Variants in PCSK5 observed in about 807,000 individuals in gnomAD.
PCSK5 encodes the protein prohormone convertase 5.
In PCSK5, 129 loss-of-function variants were observed where a neutral mutation model predicts 233.2. That is an observed-to-expected ratio of 0.55 (90% CI 0.48 to 0.64). The LOEUF is 0.64. PCSK5 is among the 30% of genes least tolerant of loss of function. The pLI is 0.00. For synonymous variants in PCSK5, 825 were observed against 879.2 expected, an observed-to-expected ratio of 0.94 and a Z score of 1.09; for missense variants, 2,076 against 2,430.1, an observed-to-expected ratio of 0.85 and a Z score of 3.06.
chr9:76,010,888 G>A (rs1039343765), intron 3 of PCSK5, among the ~76,000 whole-genome samples: 1 of 152,192 alleles, frequency 6.6e-6, no homozygotes, highest in Non-Finnish European at 1.5e-5. Flanking sequence ...TGGAAAAAAT[G>A]TGGTTTAGGT....
intron 1 of PCSK5, among the ~76,000 whole-genome samples, chr9:75,895,204 G>A (rs536078927): frequency 4.6e-5 from 7 of 152,172 alleles, no homozygotes; most frequent in Non-Finnish European, 8.8e-5. Context: ...GGCCACTTTC[G>A]AGGCTGTGAA....
rs1829101767 is a variant in PCSK5 at position 76,318,596 on chromosome 9, T to A, written c.3885-2826T>A. Among the ~76,000 whole-genome samples the A allele has an allele frequency of 2.6e-5, 4 of 152,330 alleles. No homozygotes were observed. In the South Asian group the frequency reaches 8.3e-4, roughly 32 times the overall value. On this transcript the variant is annotated intron_variant, in intron 30 of 37. Transcript: ENST00000674117. ...CCAGTGAGTGATTTCTACAATGGGATAGTTTAATCACTGGGGTTCTATATA... is the reference window on the plus strand; with the variant it reads ...CCAGTGAGTGATTTCTACAATGGGAAAGTTTAATCACTGGGGTTCTATATA...
chr9:75,969,446 A>G (rs1825727951), intron 2 of PCSK5, among the ~76,000 whole-genome samples: 1 of 152,056 alleles, frequency 6.6e-6, no homozygotes, highest in African/African-American at 2.4e-5. Flanking sequence ...ACTTCCCTGG[A>G]CCCCTGGAGT....
At chr9:75,977,628 T>G (rs1826081718) in intron 2 of PCSK5, among the ~76,000 whole-genome samples, 1 of 150,628 alleles carries the variant, frequency 6.6e-6, no homozygotes, top group African/African-American at 2.4e-5. Flanking sequence ...CTTTTTTTTT[T>G]AAGACAGAGT....
chr9:76,267,171 A>C (rs1827358655), intron 24 of PCSK5, among the ~76,000 whole-genome samples: 1 of 152,148 alleles, frequency 6.6e-6, no homozygotes, highest in African/African-American at 2.4e-5. Flanking sequence ...CAGCCTTCTA[A>C]AATGGAGCTC....
chr9:76,067,897 G>A (rs1031635802), intron 5 of PCSK5, 58 bp from the exon 6 acceptor site: 21 of 1,369,404 alleles, frequency 1.5e-5, no homozygotes, highest in Admixed American at 3.4e-5. Flanking sequence ...GCAGTGACGC[G>A]TTGGCTTTGT....
intron 21 of PCSK5, among the ~76,000 whole-genome samples, chr9:76,230,932 G>T (rs1008554585): frequency 2.6e-5 from 4 of 152,164 alleles, no homozygotes; most frequent in African/African-American, 9.6e-5. Context: ...TAATAGAAAT[G>T]AAGTGCACAA....
chr9:76,310,737 A>T lies in PCSK5; in HGVS notation c.3770A>T (p.Asn1257Ile). Residue 1257 changes from asparagine (N) to isoleucine (I), a missense_variant, in exon 30 of 38, where the codon AAC becomes ATC. Asn to Ile is a moderately radical substitution (Grantham distance 149, BLOSUM62 -3). Around this residue, in one of 6 missense-constraint regions of PCSK5, gnomAD observed 1,510 missense variants for 1,538.1 expected, o/e 0.98. Transcript: ENST00000674117. ...WPSVRSGSCENCTEACAICSG... is the reference protein window; with the variant it reads ...WPSVRSGSCEICTEACAICSG... ...TCCGTAAGGAGTGGGAGCTGCGAGA[A>T]CTGTACGGAGGCCTGTGCCATCTGC... 2 of 1,612,258 alleles carry T rather than the reference A, an allele frequency of 1.2e-6. No homozygotes were observed. The highest frequency in any genetic ancestry group is 1.7e-6 in the Non-Finnish European group (2 of 1,179,570).
intron 1 of PCSK5, among the ~76,000 whole-genome samples, chr9:75,902,462 G>T (rs1218017140): frequency 6.6e-6 from 1 of 152,042 alleles, no homozygotes; most frequent in African/African-American, 2.4e-5. Context: ...AAAAATGGAT[G>T]GCCAGCTTGA....
At chr9:76,334,970 G>A (rs533843464) in intron 34 of PCSK5, among the ~76,000 whole-genome samples, 1 of 151,988 alleles carries the variant, frequency 6.6e-6, no homozygotes, top group South Asian at 2.1e-4. Flanking sequence ...CCCAGCTACT[G>A]GGGAATCTGT....
chr9:76,252,637 C>T lies in PCSK5; in HGVS notation c.3142+11953C>T, dbSNP rs77716788. On this transcript the variant is annotated intron_variant, in intron 24 of 37. Coordinates refer to ENST00000674117, the MANE Select transcript of PCSK5 (RefSeq NM_001372043.1). ...CTTCCTTCAGTTTCGTTTACCTCTA[C>T]AAAGGACCTTCGTGCTCTGTGGGAA... 7.9e-3 allele frequency among the ~76,000 whole-genome samples: 1,204 copies of T among 152,322 alleles called. 45 individuals are homozygous for T. In the South Asian group the frequency reaches 0.12, roughly 15 times the overall value.
intron 3 of PCSK5, among the ~76,000 whole-genome samples, chr9:75,989,610 A>C (rs765479408): frequency 2.0e-5 from 3 of 152,208 alleles, no homozygotes; most frequent in Non-Finnish European, 4.4e-5. Flanking sequence ...AGAAGACTCA[A>C]AGGCTTGGTG....
chr9:76,350,951 G>T (rs1830107910), intron 36 of PCSK5, 23 bp downstream of exon 36: 2 of 1,226,202 alleles, frequency 1.6e-6, no homozygotes, highest in East Asian at 2.4e-5. Flanking sequence ...GGGGGTCCTG[G>T]GCCTTCTGCT....
At chr9:76,347,468 G>A (rs919108869) in intron 35 of PCSK5, among the ~76,000 whole-genome samples, 1 of 152,174 alleles carries the variant, frequency 6.6e-6, no homozygotes, top group Non-Finnish European at 1.5e-5. Context: ...AAGTGTGCAA[G>A]TTTTGCAATT....
intron 5 of PCSK5, among the ~76,000 whole-genome samples, chr9:76,056,655 G>C (rs1457938270): frequency 6.6e-6 from 1 of 152,158 alleles, no homozygotes; most frequent in African/African-American, 2.4e-5. Context: ...AACAAGGCAG[G>C]CATGATCTTT....
intron 2 of PCSK5, among the ~76,000 whole-genome samples, chr9:75,953,252 C>T (rs1409040435): frequency 6.6e-6 from 1 of 152,082 alleles, no homozygotes; most frequent in African/African-American, 2.4e-5. Context: ...CACCCTTGTA[C>T]TCCAAGCACC....
At chr9:75,994,581 C>T (rs766052573) in intron 3 of PCSK5, among the ~76,000 whole-genome samples, 4 of 151,928 alleles carry the variant, frequency 2.6e-5, no homozygotes, top group Admixed American at 2.0e-4. Context: ...TGCCACCATG[C>T]CCAGCTACTT....
intron 35 of PCSK5, among the ~76,000 whole-genome samples, chr9:76,340,300 T>C (rs1264569404): frequency 2.0e-5 from 3 of 152,140 alleles, no homozygotes; most frequent in Non-Finnish European, 4.4e-5. Context: ...AATGACTGTA[T>C]AGGTAACAAA....
intron 12 of PCSK5, among the ~76,000 whole-genome samples, chr9:76,162,621 A>G (rs896728459): frequency 2.0e-5 from 3 of 152,188 alleles, no homozygotes; most frequent in African/African-American, 7.2e-5. Flanking sequence ...TTCCCCTGCC[A>G]GACCCTTGTC....
Sources: gnomAD v4.1 joint callset for allele counts (sites outside exome capture counted in the v4.1 genomes callset) on GRCh38, gnomAD v4.1.1 for gene constraint, gnomAD v4.1.1 regional missense constraint, MANE v1.5 for transcripts, NCBI Gene and HGNC (gene_info 2026-07-23, HGNC 2026-07-21) for gene names.